Variants in TENM4 observed in about 807,000 individuals in gnomAD.
TENM4 encodes the protein teneurin-4.
Under a neutral mutation model 243.3 loss-of-function variants are expected in TENM4, and 82 were observed. The observed-to-expected ratio is 0.34, with a 90% CI of 0.28 to 0.40. The LOEUF (loss-of-function observed/expected upper bound fraction) is 0.40. Ranked by LOEUF, TENM4 falls within the 10% of genes least tolerant of loss-of-function variation. TENM4 has a pLI of 1.00. For synonymous variants in TENM4, 1,412 were observed against 1,456.3 expected (o/e 0.97, Z 0.69); for missense variants, 3,138 against 3,673.3 (o/e 0.85, Z 3.77).
intron 30 of TENM4, among the ~76,000 whole-genome samples, chr11:78,673,027 G>A (rs889557691): frequency 3.3e-5 from 5 of 152,054 alleles, no homozygotes; most frequent in South Asian, 2.1e-4. Flanking sequence ...TCACTGGGAT[G>A]GCTTTTCTGC....
At chr11:79,132,829 C>G (rs1366227848) in intron 4 of TENM4, among the ~76,000 whole-genome samples, 1 of 152,128 alleles carries the variant, frequency 6.6e-6, no homozygotes, top group Non-Finnish European at 1.5e-5. Flanking sequence ...ATCAACACCT[C>G]TGGGATATGA....
intron 7 of TENM4, among the ~76,000 whole-genome samples, chr11:78,894,025 T>C (rs1855732557): frequency 6.6e-6 from 1 of 152,224 alleles, no homozygotes; most frequent in South Asian, 2.1e-4. Flanking sequence ...ATGTGGTACA[T>C]GGTAGCAGGC....
chr11:79,009,736 T>C (rs189065411), intron 6 of TENM4, among the ~76,000 whole-genome samples: 2 of 152,156 alleles, frequency 1.3e-5, no homozygotes, highest in Admixed American at 1.3e-4. Flanking sequence ...TGGGGAAAGT[T>C]AGTGGCAGGG....
chr11:78,961,922 G>T (rs1257163368), intron 6 of TENM4, among the ~76,000 whole-genome samples: 4 of 152,062 alleles, frequency 2.6e-5, no homozygotes, highest in Non-Finnish European at 4.4e-5. Context: ...TCTCATGGGG[G>T]TTGGGGACAG....
At chr11:79,311,529 G>A (rs966488034) in intron 1 of TENM4, among the ~76,000 whole-genome samples, 61 of 152,182 alleles carry the variant, frequency 4.0e-4, no homozygotes, top group African/African-American at 1.4e-3. Flanking sequence ...ATCCTAGTTT[G>A]CAGATTGGGC....
At chr11:79,045,609 G>A (rs1859637121) in intron 6 of TENM4, among the ~76,000 whole-genome samples, 1 of 152,194 alleles carries the variant, frequency 6.6e-6, no homozygotes, top group African/African-American at 2.4e-5. Context: ...CTGCAGAGGA[G>A]CCCGGCTTGG....
chr11:78,953,764 T>C (rs1462348349), intron 6 of TENM4, among the ~76,000 whole-genome samples: 2 of 152,196 alleles, frequency 1.3e-5, no homozygotes, highest in African/African-American at 4.8e-5. Flanking sequence ...CTTGAGCATC[T>C]AGATTTTAGT....
intron 6 of TENM4, among the ~76,000 whole-genome samples, chr11:78,963,881 G>T (rs1857383764): frequency 6.6e-6 from 1 of 150,766 alleles, no homozygotes; most frequent in Non-Finnish European, 1.5e-5. Flanking sequence ...ACAGGTGCCT[G>T]CCACCTGCCT....
chr11:79,141,203 T>C (rs1862278740), intron 4 of TENM4, among the ~76,000 whole-genome samples: 1 of 152,038 alleles, frequency 6.6e-6, no homozygotes, highest in Non-Finnish European at 1.5e-5. Flanking sequence ...AGGATTAGAT[T>C]AAATCAGCGG....
intron 3 of TENM4, among the ~76,000 whole-genome samples, chr11:79,212,816 C>G (rs544946163): frequency 6.6e-6 from 1 of 152,316 alleles, no homozygotes; most frequent in East Asian, 1.9e-4. Flanking sequence ...CCATTTACCT[C>G]CTCCCCCTGA....
In TENM4 at chr11:78,787,069, C is replaced by G. The variant is rs778343842; in HGVS notation, c.2194G>C (p.Asp732His). The G allele has an allele frequency of 7.1e-6, 11 of 1,547,088 alleles. No homozygotes were observed. Among genetic ancestry groups the G allele is most frequent in the Non-Finnish European group, 9.6e-6 (11 of 1,144,416 alleles). Residue 732 changes from aspartate (D) to histidine (H), a missense_variant, in exon 16 of 34, where the codon GAC becomes CAC. Physicochemically the swap from Asp to His is moderately conservative, Grantham distance 81. Around this residue, in one of 2 missense-constraint regions of TENM4, gnomAD observed 2,467 missense variants for 3,059.1 expected, o/e 0.81. Coordinates refer to ENST00000278550, the MANE Select transcript of TENM4 (RefSeq NM_001098816.3). ...ACGCACACGCCATGGCCACCACAGT[C>G]GGCAGCACAGATCTCTGTGGGGAGG... ...HDCSIEICAA[D>H]CGGHGVCVGG...
At chr11:78,926,670 GT>G (rs965745140) in intron 6 of TENM4, among the ~76,000 whole-genome samples, 4 of 133,218 alleles carry the variant, frequency 3.0e-5, no homozygotes, top group Non-Finnish European at 6.3e-5. Flanking sequence ...AAATAAAGGT[GT>G]TTTTTGTTTT....
At chr11:79,215,522 C>CA in intron 3 of TENM4, among the ~76,000 whole-genome samples, 1 of 152,118 alleles carries the variant, frequency 6.6e-6, no homozygotes, top group Admixed American at 6.5e-5. Context: ...CCAGCACCCC[C>CA]ATCACATACC....
chr11:79,053,630 G>A (rs1444571943), intron 6 of TENM4, among the ~76,000 whole-genome samples: 4 of 152,138 alleles, frequency 2.6e-5, no homozygotes, highest in Non-Finnish European at 5.9e-5. Flanking sequence ...GCAGTCCAAT[G>A]CCCCTTTTCC....
intron 1 of TENM4, among the ~76,000 whole-genome samples, chr11:79,359,731 A>T (rs1857559367): frequency 1.3e-5 from 2 of 152,138 alleles, no homozygotes; most frequent in Admixed American, 1.3e-4. Flanking sequence ...TGCAGATCAG[A>T]CTTTTAAAAA....
chr11:79,413,195 A>G (rs1228403929), intron 1 of TENM4, among the ~76,000 whole-genome samples: 1 of 152,220 alleles, frequency 6.6e-6, no homozygotes, highest in Non-Finnish European at 1.5e-5. Flanking sequence ...CATTCTGGGC[A>G]CCTTGTGTTC....
At chr11:78,990,761 A>T (rs985245559) in intron 6 of TENM4, among the ~76,000 whole-genome samples, 1 of 152,214 alleles carries the variant, frequency 6.6e-6, no homozygotes, top group Non-Finnish European at 1.5e-5. Context: ...GCAGCGCTTG[A>T]ATTTTTAACC....
intron 6 of TENM4, among the ~76,000 whole-genome samples, chr11:79,011,261 T>C (rs1268691104): frequency 6.6e-6 from 1 of 152,226 alleles, no homozygotes; most frequent in Non-Finnish European, 1.5e-5. Flanking sequence ...CTGGGCACTG[T>C]TCTGATTCTA....
intron 28 of TENM4, among the ~76,000 whole-genome samples, chr11:78,695,772 CTTT>C (rs57847507): frequency 7.0e-6 from 1 of 142,976 alleles, no homozygotes. Flanking sequence ...TTATAAAATG[CTTT>C]TTTTTTTTTT....
Sources: gnomAD v4.1 joint callset for allele counts (sites outside exome capture counted in the v4.1 genomes callset) on GRCh38, gnomAD v4.1.1 for gene constraint, gnomAD v4.1.1 regional missense constraint, MANE v1.5 for transcripts, NCBI Gene and HGNC (gene_info 2026-07-23, HGNC 2026-07-21) for gene names.